The following TMEM117 variants were observed in gnomAD, a reference collection of about 807,000 sequenced individuals.
TMEM117 encodes transmembrane protein 117.
Under a neutral mutation model 52.4 loss-of-function variants are expected in TMEM117, and 27 were observed. The ratio of observed to expected loss-of-function variants is 0.51; its 90% confidence interval spans 0.38 to 0.71. The LOEUF (loss-of-function observed/expected upper bound fraction) is 0.71, where lower values mean the gene tolerates loss of function less well. Ranked by LOEUF, TMEM117 falls within the 30% of genes least tolerant of loss-of-function variation. The pLI is 0.00. For synonymous variants in TMEM117, 215 were observed against 206.3 expected, an observed-to-expected ratio of 1.04 and a Z score of -0.36; for missense variants, 556 against 630.5, an observed-to-expected ratio of 0.88 and a Z score of 1.26.
chr12:44,089,484 C>A (rs1488082535), intron 3 of TMEM117, among the ~76,000 whole-genome samples: 1 of 152,094 alleles, frequency 6.6e-6, no homozygotes, highest in Admixed American at 6.5e-5. Flanking sequence ...TACTCAAAAC[C>A]ACCTTTTCCA....
At chr12:43,864,177 A>C (rs1316147897) in intron 2 of TMEM117, among the ~76,000 whole-genome samples, 1 of 151,400 alleles carries the variant, frequency 6.6e-6, no homozygotes, top group Non-Finnish European at 1.5e-5. Context: ...AGTCTCCCTC[A>C]CTCCCCCCGC....
At chr12:44,174,171 C>G (rs1949086643) in intron 4 of TMEM117, among the ~76,000 whole-genome samples, 1 of 152,274 alleles carries the variant, frequency 6.6e-6, no homozygotes, top group South Asian at 2.1e-4. Context: ...TTGTGAATAT[C>G]ATTTTTTTTA....
intron 2 of TMEM117, among the ~76,000 whole-genome samples, chr12:43,913,366 G>C (rs544359169): frequency 6.6e-6 from 1 of 151,968 alleles, no homozygotes; most frequent in African/African-American, 2.4e-5. Context: ...AAGTCATATT[G>C]TTTTATAATC....
chr12:44,319,831 C>T (rs1951107867), intron 6 of TMEM117, among the ~76,000 whole-genome samples: 1 of 152,058 alleles, frequency 6.6e-6, no homozygotes, highest in South Asian at 2.1e-4. Flanking sequence ...TGGCTCAAAA[C>T]CTAACTATAT....
At chr12:43,865,356 A>T (rs985353839) in intron 2 of TMEM117, among the ~76,000 whole-genome samples, 5 of 152,178 alleles carry the variant, frequency 3.3e-5, no homozygotes, top group African/African-American at 1.2e-4. Context: ...GAAATAAACA[A>T]TACATCCTTG....
At chr12:44,077,591 G>T (rs1947402354) in intron 3 of TMEM117, among the ~76,000 whole-genome samples, 1 of 152,116 alleles carries the variant, frequency 6.6e-6, no homozygotes. Context: ...GATTGGAAGG[G>T]CATGAATCCT....
intron 3 of TMEM117, among the ~76,000 whole-genome samples, chr12:43,962,794 G>A (rs193107739): frequency 4.6e-5 from 7 of 152,162 alleles, no homozygotes; most frequent in East Asian, 1.9e-4. Flanking sequence ...CAGGCATGGC[G>A]GCGGGCGCCT....
At chr12:44,031,680 A>G (rs1427025830) in intron 3 of TMEM117, among the ~76,000 whole-genome samples, 2 of 152,192 alleles carry the variant, frequency 1.3e-5, no homozygotes, top group African/African-American at 4.8e-5. Context: ...GCTTGTAGCA[A>G]TTGAGTAAAG....
intron 3 of TMEM117, among the ~76,000 whole-genome samples, chr12:44,117,254 C>G (rs770163438): frequency 1.3e-4 from 20 of 152,268 alleles, no homozygotes; most frequent in Admixed American, 3.3e-4. Context: ...ATGTTTCCAC[C>G]TCTCTTTTCT....
intron 3 of TMEM117, among the ~76,000 whole-genome samples, chr12:43,986,969 T>C (rs1330029627): frequency 1.3e-5 from 2 of 152,204 alleles, no homozygotes; most frequent in Non-Finnish European, 2.9e-5. Context: ...TATACAGTTA[T>C]GGGCTAAAGG....
At chr12:44,161,243 T>C (rs1054860120) in intron 4 of TMEM117, among the ~76,000 whole-genome samples, 2 of 152,226 alleles carry the variant, frequency 1.3e-5, no homozygotes, top group African/African-American at 4.8e-5. Context: ...CGTCTGTTCC[T>C]ATCTTAATAA....
intron 5 of TMEM117, among the ~76,000 whole-genome samples, chr12:44,227,944 T>C (rs1291843645): frequency 6.6e-6 from 1 of 152,170 alleles, no homozygotes; most frequent in African/African-American, 2.4e-5. Context: ...AGAACTACTA[T>C]TTTTATAGCT....
chr12:43,898,044 G>A lies in TMEM117; in HGVS notation c.278-46166G>A, dbSNP rs111948897. ...TGCACATGCGCACACACACACACAC[G>A]CACGCACACACACACACACACACAC... On this transcript the variant is annotated intron_variant, in intron 2 of 7. Coordinates refer to ENST00000266534, the MANE Select transcript of TMEM117 (RefSeq NM_032256.3). Among the ~76,000 whole-genome samples, 1,116 of 127,836 alleles carry A rather than the reference G, an allele frequency of 8.7e-3. 13 individuals carry two copies. Among genetic ancestry groups the A allele is most frequent in the African/African-American group, 0.034 (996 of 28,938 alleles). 83.9% of individuals were successfully genotyped at this position (127,836 alleles called of 152,430 possible).
the TMEM117 span, among the ~76,000 whole-genome samples, chr12:43,828,060 A>G: frequency 3.3e-3 from 502 of 152,304 alleles, 5 homozygotes; most frequent in African/African-American, 0.011. Flanking sequence ...TGGCACAGAT[A>G]ATTTTACACT....
intron 3 of TMEM117, among the ~76,000 whole-genome samples, chr12:43,976,657 G>A (rs1440623445): frequency 6.6e-6 from 1 of 152,112 alleles, no homozygotes; most frequent in Non-Finnish European, 1.5e-5. Context: ...CTTCCCTGAA[G>A]CTTTGCAAAA....
intron 3 of TMEM117, among the ~76,000 whole-genome samples, chr12:44,052,274 C>T (rs1285639694): frequency 6.6e-6 from 1 of 152,164 alleles, no homozygotes; most frequent in Non-Finnish European, 1.5e-5. Flanking sequence ...TATCTCATGA[C>T]TTTTCTGGCA....
chr12:44,155,380 A>G (rs928857865), intron 4 of TMEM117, among the ~76,000 whole-genome samples: 2 of 152,178 alleles, frequency 1.3e-5, no homozygotes, highest in South Asian at 4.1e-4. Context: ...TCTCTTATTA[A>G]TCTCTCAATG....
At chr12:44,099,319 C>G (rs1211652294) in intron 3 of TMEM117, among the ~76,000 whole-genome samples, 5 of 151,898 alleles carry the variant, frequency 3.3e-5, no homozygotes. Context: ...GGCAGGTGAC[C>G]ATTGCCCTTT....
At chr12:44,330,227 T>A (rs1391177408) in intron 6 of TMEM117, among the ~76,000 whole-genome samples, 1 of 152,078 alleles carries the variant, frequency 6.6e-6, no homozygotes, top group African/African-American at 2.4e-5. Context: ...TGGTTTTGAT[T>A]GCATTTTTTA....
Sources: allele counts gnomAD v4.1 joint callset (sites outside exome capture counted in the v4.1 genomes callset), GRCh38; gene constraint gnomAD v4.1.1; transcripts MANE v1.5; gene names NCBI Gene and HGNC (gene_info 2026-07-23, HGNC 2026-07-21).